The following MID2 variants were observed in gnomAD, a reference collection of about 807,000 sequenced individuals.
MID2 encodes the protein midline 2.
MID2 carries 13 observed loss-of-function variants against 46.1 expected under a neutral mutation model. That is an observed-to-expected ratio of 0.28 (90% confidence interval 0.18 to 0.45). The LOEUF is 0.45. MID2 is among the 20% of genes least tolerant of loss of function. MID2 has a pLI of 1.00. For synonymous variants in MID2, 199 were observed against 212.3 expected (o/e 0.94, Z 0.55); for missense variants, 431 against 575.4 (o/e 0.75, Z 2.57).
chrX:107,845,523 A>ACTCTCTCTCT (rs1193188324), intron 2 of MID2, among the ~76,000 whole-genome samples: 215 of 85,880 alleles, frequency 2.5e-3, no homozygotes, highest in Middle Eastern at 5.6e-3. Flanking sequence ...ACACACACAC[A>ACTCTCTCTCT]CACTCTCTCT....
At chrX:107,885,196 T>C (rs1426463209) in intron 3 of MID2, among the ~76,000 whole-genome samples, 2 of 109,656 alleles carry the variant, frequency 1.8e-5, no homozygotes, top group African/African-American at 6.7e-5. Context: ...TATGTATACA[T>C]GTGCTGTGTT....
At chrX:107,839,834 A>G (rs1207981890) in intron 1 of MID2, among the ~76,000 whole-genome samples, 1 of 112,612 alleles carries the variant, frequency 8.9e-6, no homozygotes, top group African/African-American at 3.2e-5. Flanking sequence ...GGCTTGTGCT[A>G]GTTCAGCAGG....
rs145976139 is a variant in MID2, at chrX:107,927,287, T to G, written c.*214T>G. 3.4e-3 allele frequency: 1,120 copies of G among 328,126 alleles called. 12 individuals carry two copies. The highest frequency in any genetic ancestry group is 0.027 in the African/African-American group (991 of 37,346). 27.0% of individuals were successfully genotyped at this position (328,126 alleles called of 1,213,427 possible). ...AACAAATTATCTGAGTAGTCTGCGT[T>G]CAAGCCATTGGAGAAAAATTTAGAA... On this transcript the variant is annotated 3_prime_UTR_variant, in exon 10 of 10. Coordinates refer to ENST00000262843, the MANE Select transcript of MID2 (RefSeq NM_012216.4).
chrX:107,858,274 C>T (rs1270795834), intron 3 of MID2, among the ~76,000 whole-genome samples: 1 of 111,864 alleles, frequency 8.9e-6, no homozygotes, highest in Non-Finnish European at 1.9e-5. Context: ...TCCCTTTAAT[C>T]TAATTAAGGA....
intron 3 of MID2, among the ~76,000 whole-genome samples, chrX:107,887,007 C>T (rs1892251820): frequency 8.9e-6 from 1 of 111,864 alleles, no homozygotes; most frequent in African/African-American, 3.3e-5. Flanking sequence ...TGCTTATCAG[C>T]CTAAGGAGAT....
chrX:107,885,690 T>A (rs760408962), intron 3 of MID2, among the ~76,000 whole-genome samples: 7 of 112,009 alleles, frequency 6.2e-5, no homozygotes, highest in South Asian at 7.4e-4. Context: ...CCCTGAGGAA[T>A]CGCAACACTG....
intron 3 of MID2, chrX:107,901,345 T>C (rs1343190495): frequency 9.0e-6 from 1 of 111,567 alleles, no homozygotes; most frequent in Non-Finnish European, 1.9e-5. Context: ...AGTCAGAGTT[T>C]ACTGAACCTG....
intron 2 of MID2, among the ~76,000 whole-genome samples, chrX:107,845,002 A>G (rs1931429979): frequency 8.9e-6 from 1 of 111,891 alleles, no homozygotes; most frequent in South Asian, 3.7e-4. Flanking sequence ...ATTTGCAGGA[A>G]ATATACCAGT....
chrX:107,846,731 T>G (rs1356643559), intron 2 of MID2, among the ~76,000 whole-genome samples: 1 of 112,136 alleles, frequency 8.9e-6, no homozygotes, highest in Non-Finnish European at 1.9e-5. Context: ...TTCCATTGTT[T>G]CTTTGGTTTG....
chrX:107,894,267 T>TTGCCATC (rs1178171946), intron 3 of MID2, among the ~76,000 whole-genome samples: 2 of 111,095 alleles, frequency 1.8e-5, no homozygotes, highest in African/African-American at 6.6e-5. Flanking sequence ...TGGATAAACA[T>TTGCCATC]TGCCATCTGG....
intron 2 of MID2, among the ~76,000 whole-genome samples, chrX:107,851,684 AC>A (rs1441332930): frequency 4.5e-5 from 5 of 110,098 alleles, no homozygotes; most frequent in African/African-American, 1.7e-4. Flanking sequence ...AACAACAAAA[AC>A]AAACAAACAA....
intron 3 of MID2, among the ~76,000 whole-genome samples, chrX:107,889,727 C>G (rs1046733737): frequency 2.7e-5 from 3 of 112,044 alleles, no homozygotes; most frequent in South Asian, 3.7e-4. Context: ...CAACTTGGTT[C>G]CATTCTCCCC....
chrX:107,883,561 G>A (rs1033144845), intron 3 of MID2, among the ~76,000 whole-genome samples: 3 of 112,239 alleles, frequency 2.7e-5, no homozygotes, highest in African/African-American at 9.7e-5. Flanking sequence ...AATGCATAAA[G>A]CTATCATTTT....
At chrX:107,857,784 A>G (rs145874733) in intron 3 of MID2, among the ~76,000 whole-genome samples, 5,657 of 111,770 alleles carry the variant, frequency 0.051, 352 homozygotes, top group African/African-American at 0.17. Context: ...AAAGTAAGAC[A>G]CTGATGGGTG....
chrX:107,859,273 G>A (rs887774689), intron 3 of MID2, among the ~76,000 whole-genome samples: 1 of 112,044 alleles, frequency 8.9e-6, no homozygotes, highest in Admixed American at 9.5e-5. Context: ...ATATTTTTGG[G>A]TGGTTGAGCT....
upstream of MID2, chrX:107,825,829 C>A (rs1260907789): frequency 8.9e-6 from 2 of 225,566 alleles, no homozygotes; most frequent in Non-Finnish European, 1.6e-5. Flanking sequence ...CGAGCCCCAC[C>A]CACCGGCTGC....
At chrX:107,886,124 T>A (rs1159453610) in intron 3 of MID2, among the ~76,000 whole-genome samples, 1 of 111,699 alleles carries the variant, frequency 9.0e-6, no homozygotes, top group Admixed American at 9.5e-5. Flanking sequence ...CTCTTTAGTT[T>A]AATTAGATCC....
At chrX:107,864,804 C>G (rs775691760) in intron 3 of MID2, among the ~76,000 whole-genome samples, 1 of 111,670 alleles carries the variant, frequency 9.0e-6, no homozygotes, top group Non-Finnish European at 1.9e-5. Flanking sequence ...CTTAGAAGTA[C>G]ACATACAGCC....
chrX:107,872,893 C>T (rs1932106818), intron 3 of MID2, among the ~76,000 whole-genome samples: 2 of 111,698 alleles, frequency 1.8e-5, no homozygotes, highest in South Asian at 7.6e-4. Flanking sequence ...AACTCAAACC[C>T]AGCTTTGGAG....
Sources: allele counts gnomAD v4.1 joint callset (sites outside exome capture counted in the v4.1 genomes callset), GRCh38; gene constraint gnomAD v4.1.1; transcripts MANE v1.5; gene names NCBI Gene and HGNC (gene_info 2026-07-23, HGNC 2026-07-21).